SOX6: variants seen among roughly 807,000 people sequenced by gnomAD.
SOX6 encodes SRY-box transcription factor 6.
In SOX6, 11 loss-of-function variants were observed where a neutral mutation model predicts 97.8. The observed-to-expected ratio is 0.11, with a 90% CI of 0.07 to 0.19. The LOEUF is 0.19. SOX6 is among the 10% of genes least tolerant of loss of function. SOX6 has a pLI of 1.00. For missense variants in SOX6, 810 were observed against 1,039.5 expected, an observed-to-expected ratio of 0.78 and a Z score of 3.04; for synonymous variants, 360 against 371.4, an observed-to-expected ratio of 0.97 and a Z score of 0.35.
chr11:16,157,668 G>A (rs536621857), intron 6 of SOX6, among the ~76,000 whole-genome samples: 2 of 151,900 alleles, frequency 1.3e-5, no homozygotes, highest in Non-Finnish European at 2.9e-5. Flanking sequence ...GGTCATAAAA[G>A]GTCCTTCAAT....
At chr11:16,413,092 G>A (rs1163989921) in intron 1 of SOX6, among the ~76,000 whole-genome samples, 1 of 152,202 alleles carries the variant, frequency 6.6e-6, no homozygotes, top group Non-Finnish European at 1.5e-5. Context: ...AATTATTACA[G>A]TGAGGTAACT....
At chr11:16,191,842 G>T (rs898011071) in intron 4 of SOX6, among the ~76,000 whole-genome samples, 36 of 137,768 alleles carry the variant, frequency 2.6e-4, no homozygotes, top group Admixed American at 7.2e-4. Context: ...GTGCAGCAGG[G>T]TTTTTTTTTT....
rs1277393221 is a variant in SOX6, at chr11:16,402,589, T to C, written c.-4-61337A>G. 6.2e-6 allele frequency: 9 copies of C among 1,456,084 alleles called. No homozygotes were observed. The East Asian group carries it at 9.1e-5, about 15-fold the overall frequency. 90.2% of individuals were successfully genotyped at this position (1,456,084 alleles called of 1,614,324 possible). On this transcript the variant is annotated intron_variant, in intron 1 of 15. Transcript: ENST00000396356. ...TCTCAGAGATGGTGACAAAGAAATA[T>C]CGCTTTGTTTAATGAAAGCAGACTG...
At chr11:16,312,988 A>C (rs1855651572) in intron 3 of SOX6, 1 of 152,160 alleles carries the variant, frequency 6.6e-6, no homozygotes, top group African/African-American at 2.4e-5. Context: ...ACCTACCTAC[A>C]TACCAATTTA....
At chr11:15,988,754 G>A (rs746402198) in intron 14 of SOX6, among the ~76,000 whole-genome samples, 14 of 152,204 alleles carry the variant, frequency 9.2e-5, no homozygotes, top group Non-Finnish European at 1.8e-4. Flanking sequence ...TGAAATAAGT[G>A]TTCAGACAGT....
chr11:15,972,732 T>A lies in SOX6; in HGVS notation c.*77A>T, dbSNP rs1206923867. The A allele has an allele frequency of 6.8e-7, 1 of 1,474,238 alleles. No individual in the cohort carries two copies. Among genetic ancestry groups the A allele is most frequent in the Non-Finnish European group, 9.5e-7 (1 of 1,055,178 alleles). 91.3% of individuals were successfully genotyped at this position (1,474,238 alleles called of 1,614,324 possible). A position where few individuals can be genotyped will look rare whatever the true frequency, so the allele number is the denominator to read the frequency against. The stretch of plus-strand genomic sequence containing the variant: ...ATGTAATTGTGGAGCCACAAATGCA[T>A]GCGGGCTCTTTAATAACTCTTTGTT... On this transcript the variant is annotated 3_prime_UTR_variant, in exon 16 of 16. Transcript: ENST00000683767.
chr11:16,717,394 G>A (rs968409752), intron 2 of SOX6, among the ~76,000 whole-genome samples: 3 of 151,946 alleles, frequency 2.0e-5, no homozygotes, highest in African/African-American at 7.2e-5. Flanking sequence ...CCATTAGAAA[G>A]AACTAGGATT....
At chr11:16,670,513 C>T (rs7125262) in intron 3 of SOX6, among the ~76,000 whole-genome samples, 126,244 of 152,016 alleles carry the variant, frequency 0.83, 52,509 homozygotes, top group Middle Eastern at 0.9. Flanking sequence ...TTGGGCTTAA[C>T]GAAGGAGCAA....
chr11:15,969,513 G>A lies in SOX6; in HGVS notation c.*3296C>T, dbSNP rs935665295. 1.3e-5 allele frequency: 2 copies of A among 152,136 alleles called. No individual in the cohort carries two copies. The highest frequency in any genetic ancestry group is 4.8e-5 in the African/African-American group (2 of 41,410). 9.4% of individuals were successfully genotyped at this position (152,136 alleles called of 1,614,324 possible). On this transcript the variant is annotated 3_prime_UTR_variant, in exon 16 of 16. Coordinates refer to ENST00000683767, the MANE Select transcript of SOX6 (RefSeq NM_001367873.1). The stretch of plus-strand genomic sequence containing the variant: ...AACTGCATGAGAACCCTGGTGAAAC[G>A]TTTTGCTGTCCCAGCTGCAGGCCAA...
intron 3 of SOX6, among the ~76,000 whole-genome samples, chr11:16,637,508 C>T (rs1848808259): frequency 6.6e-6 from 1 of 152,208 alleles, no homozygotes; most frequent in Admixed American, 6.5e-5. Flanking sequence ...CATGAGCCAC[C>T]ACACCCAGCT....
intron 3 of SOX6, among the ~76,000 whole-genome samples, chr11:16,636,035 C>T (rs1470723244): frequency 1.3e-5 from 2 of 152,196 alleles, no homozygotes; most frequent in Non-Finnish European, 2.9e-5. Context: ...GGGGTCAGAG[C>T]CCCCACACAG....
At chr11:16,332,966 G>A (rs769656757) in intron 2 of SOX6, among the ~76,000 whole-genome samples, 3 of 152,134 alleles carry the variant, frequency 2.0e-5, no homozygotes, top group Non-Finnish European at 4.4e-5. Context: ...TTCATTATAG[G>A]TGTTCAAGAA....
intron 3 of SOX6, among the ~76,000 whole-genome samples, chr11:16,682,061 G>C (rs1453767115): frequency 6.6e-6 from 1 of 152,210 alleles, no homozygotes; most frequent in Non-Finnish European, 1.5e-5. Context: ...CATTCCTTTT[G>C]AAACTATTCC....
chr11:16,633,644 T>C (rs145380426), intron 3 of SOX6, among the ~76,000 whole-genome samples: 56 of 152,302 alleles, frequency 3.7e-4, no homozygotes, highest in African/African-American at 1.2e-3. Flanking sequence ...AAGCACAGTG[T>C]CTTTATAGCT....
At chr11:16,654,321 G>A (rs1033598718) in intron 3 of SOX6, among the ~76,000 whole-genome samples, 3 of 152,026 alleles carry the variant, frequency 2.0e-5, no homozygotes, top group Admixed American at 6.6e-5. Flanking sequence ...GGCACATACC[G>A]CCATGCTTGG....
chr11:16,371,247 C>G (rs1040801078), intron 1 of SOX6, among the ~76,000 whole-genome samples: 1 of 152,032 alleles, frequency 6.6e-6, no homozygotes, highest in African/African-American at 2.4e-5. Flanking sequence ...TGGTCCCTCC[C>G]TCTGCCTGGA....
intron 3 of SOX6, among the ~76,000 whole-genome samples, chr11:16,294,710 T>G (rs1855018594): frequency 6.6e-6 from 1 of 152,106 alleles, no homozygotes; most frequent in Admixed American, 6.6e-5. Context: ...ATTTTCTAGA[T>G]TCTTTAAACA....
intron 3 of SOX6, chr11:16,645,940 AAAAC>A (rs1163907292): frequency 1.3e-5 from 2 of 152,256 alleles, no homozygotes; most frequent in Non-Finnish European, 2.9e-5. Context: ...ATTTAAAAAA[AAAAC>A]AAACTCAATG....
intron 2 of SOX6, among the ~76,000 whole-genome samples, chr11:16,718,454 A>G (rs1178292492): frequency 6.6e-6 from 1 of 152,218 alleles, no homozygotes; most frequent in Non-Finnish European, 1.5e-5. Context: ...CAGCTAAAAT[A>G]GCTAACAAGA....
Sources: gnomAD v4.1 joint callset for allele counts (sites outside exome capture counted in the v4.1 genomes callset) on GRCh38, gnomAD v4.1.1 for gene constraint, MANE v1.5 for transcripts, NCBI Gene and HGNC (gene_info 2026-07-23, HGNC 2026-07-21) for gene names.